The following SNX19 variants were observed in gnomAD, a reference collection of about 807,000 sequenced individuals.
SNX19 encodes sorting nexin-19.
SNX19 carries 60 observed loss-of-function variants against 85.2 expected under a neutral mutation model. The observed-to-expected ratio is 0.70, with a 90% CI of 0.57 to 0.87. The LOEUF is 0.87. SNX19 is among the 40% of genes least tolerant of loss of function. The pLI is 0.00. For synonymous variants in SNX19, 520 were observed against 470.0 expected (o/e 1.11, Z -1.38); for missense variants, 1,201 against 1,217.8 (o/e 0.99, Z 0.21).
chr11:130,891,106 G>A (rs978482729), intron 8 of SNX19, among the ~76,000 whole-genome samples: 1 of 152,018 alleles, frequency 6.6e-6, no homozygotes, highest in Non-Finnish European at 1.5e-5. Flanking sequence ...TGCTTACAGA[G>A]GAAGACAATT....
chr11:130,900,873 A>G (rs1945216310), intron 8 of SNX19, among the ~76,000 whole-genome samples: 2 of 152,344 alleles, frequency 1.3e-5, no homozygotes, highest in East Asian at 1.9e-4. Context: ...TCCAGAGGTG[A>G]CAGAATAAAA....
chr11:130,915,240 C>T lies in SNX19; in HGVS notation c.700G>A (p.Gly234Arg), dbSNP rs1271322237. ...VPKPHLETRT[G>R]RHVVVELITC... Reference sequence around the variant, plus strand: ...ATGAGTTCGACCACTACATGGCGTCCGGTACGAGTCTCCAAGTGGGGCTTG... The same window carrying T: ...ATGAGTTCGACCACTACATGGCGTCTGGTACGAGTCTCCAAGTGGGGCTTG... The change falls in exon 1 of 11, where the codon GGA becomes AGA. Residue 234 changes from glycine (G) to arginine (R), a missense_variant. Around this residue, in one of 3 missense-constraint regions of SNX19, gnomAD observed 791 missense variants for 750.9 expected, o/e 1.05. Coordinates refer to ENST00000265909, the MANE Select transcript of SNX19 (RefSeq NM_014758.3). 16 of 1,614,068 alleles carry T rather than the reference C, an allele frequency of 9.9e-6. No individual in the cohort carries two copies. Among genetic ancestry groups the T allele is most frequent in the Non-Finnish European group, 1.4e-5 (16 of 1,180,040 alleles).
At chr11:130,904,438 C>T (rs1945498907) in intron 7 of SNX19, among the ~76,000 whole-genome samples, 1 of 152,306 alleles carries the variant, frequency 6.6e-6, no homozygotes, top group Non-Finnish European at 1.5e-5. Context: ...CTATATAATA[C>T]ATATTTTCTT....
Position 130,908,087 on chromosome 11 carries a change from C to T in SNX19, c.2035-4G>A. 1 of 1,613,854 alleles carries T rather than the reference C, an allele frequency of 6.2e-7. No homozygotes were observed. The highest frequency in any genetic ancestry group is 2.2e-5 in the East Asian group (1 of 44,880). ...CCACAATGGCACTCACCACCATCTGCAGGGGTCAGAGGTGCAGGGTCAGTC... is the reference window on the plus strand; with the variant it reads ...CCACAATGGCACTCACCACCATCTGTAGGGGTCAGAGGTGCAGGGTCAGTC... On this transcript the variant is annotated splice_polypyrimidine_tract_variant and splice_region_variant and intron_variant, in intron 4 of 10. Coordinates refer to ENST00000265909, the MANE Select transcript of SNX19 (RefSeq NM_014758.3).
chr11:130,889,845 A>G (rs1944374970), intron 8 of SNX19, among the ~76,000 whole-genome samples: 1 of 151,946 alleles, frequency 6.6e-6, no homozygotes, highest in African/African-American at 2.4e-5. Flanking sequence ...AAATTTAAAA[A>G]CCTTGCCTTG....
chr11:130,893,635 A>C, intron 8 of SNX19: 1 of 598,604 alleles, frequency 1.7e-6, no homozygotes, highest in Non-Finnish European at 3.0e-6. Flanking sequence ...CAACTCCAGA[A>C]TCTCCACAGA....
intron 9 of SNX19, 101 bp from the exon 10 acceptor site, chr11:130,879,812 G>C: frequency 9.9e-7 from 1 of 1,010,900 alleles, no homozygotes; most frequent in East Asian, 2.6e-5. Context: ...ACATAGGTTA[G>C]GTATTTCAGG....
In SNX19 at chr11:130,913,529, G is replaced by A. The variant is rs1018922151; in HGVS notation, c.1674+737C>T. Among the ~76,000 whole-genome samples, 100 of 152,232 alleles carry A rather than the reference G, an allele frequency of 6.6e-4. 6 individuals are homozygous for A. The highest frequency in any genetic ancestry group is 5.9e-5 in the Non-Finnish European group (4 of 68,030). On this transcript the variant is annotated intron_variant, in intron 1 of 10. Transcript: ENST00000265909. ...CCCTCTTAGTTGGATTGGGAGTTCG[G>A]AGGAGTGTAGCAAGCAGGCTGTCCC... is the stretch of plus-strand genomic sequence containing the variant.
At chr11:130,903,704 T>C (rs574527545) in intron 7 of SNX19, among the ~76,000 whole-genome samples, 1 of 129,220 alleles carries the variant, frequency 7.7e-6, no homozygotes, top group Admixed American at 9.2e-5. Context: ...TACATATATA[T>C]ATATATACAC....
In SNX19 at chr11:130,914,325, T is replaced by C. The variant is rs140797472; in HGVS notation, c.1615A>G (p.Ile539Val). 5.2e-5 allele frequency: 83 copies of C among 1,611,648 alleles called. No homozygotes were observed. In the African/African-American group the frequency reaches 1.0e-3, roughly 20 times the overall value. The stretch of plus-strand genomic sequence containing the variant: ...GTGCCACTGTGCTCTCGGGCTGTAA[T>C]GGTGCCAGTGATACGAAGGTTCTGG... Reference protein sequence around the residue: ...IIQNLRITGTITAREHSGTGF... With the variant: ...IIQNLRITGTVTAREHSGTGF... Residue 539 changes from isoleucine to valine, a missense_variant, in exon 1 of 11, where the codon ATT (isoleucine) becomes GTT (valine). Transcript: ENST00000265909.
chr11:130,914,510 G>C lies in SNX19; in HGVS notation c.1430C>G (p.Pro477Arg), dbSNP rs1314198484. 1.2e-6 allele frequency: 2 copies of C among 1,613,850 alleles called. No homozygotes were observed. Among genetic ancestry groups the C allele is most frequent in the African/African-American group, 2.7e-5 (2 of 74,914 alleles). Residue 477 changes from proline (P) to arginine (R), a missense_variant, in exon 1 of 11, where the codon CCC (proline) becomes CGC (arginine). Pro to Arg is a moderately radical substitution (Grantham distance 103). Around this residue, in one of 3 missense-constraint regions of SNX19, gnomAD observed 791 missense variants for 750.9 expected, o/e 1.05. Coordinates refer to ENST00000265909, the MANE Select transcript of SNX19 (RefSeq NM_014758.3). ...CTTCTCTAAGCATGACGGCCGTGAG[G>C]GGCAGGTCTTTTCTGGCCCCTCCAG... ...ALLEGPEKTCPSRPSCLEKDL... is the reference protein window; with the variant it reads ...ALLEGPEKTCRSRPSCLEKDL...
rs781605916 is a variant in SNX19 at position 130,878,374 on chromosome 11, C to T, written c.*48G>A. 19 of 1,587,732 alleles carry T rather than the reference C, an allele frequency of 1.2e-5. No individual in the cohort carries two copies. The South Asian group carries it at 1.8e-4, about 15-fold the overall frequency. On this transcript the variant is annotated 3_prime_UTR_variant, in exon 11 of 11. Transcript: ENST00000265909. Reference sequence around the variant, plus strand: ...GGGCTTCCTGACTGGTCTCTGGTGGCCGAGTAACTCTACTTCCCTGACCTG... The same window carrying T: ...GGGCTTCCTGACTGGTCTCTGGTGGTCGAGTAACTCTACTTCCCTGACCTG...
At chr11:130,907,896 A>G in intron 5 of SNX19, 57 bp downstream of exon 5, 2 of 1,603,022 alleles carry the variant, frequency 1.2e-6, no homozygotes, top group South Asian at 2.2e-5. Context: ...TTGGCTGAGG[A>G]TTGGGGATCA....
chr11:130,903,142 A>G, intron 8 of SNX19, 113 bp downstream of exon 8: 11 of 1,466,282 alleles, frequency 7.5e-6, no homozygotes, highest in Non-Finnish European at 9.3e-6. Flanking sequence ...AACCCCTGTA[A>G]CAGAGAATCT....
intron 8 of SNX19, among the ~76,000 whole-genome samples, chr11:130,890,179 T>G (rs1392496174): frequency 1.3e-5 from 2 of 152,168 alleles, no homozygotes; most frequent in Non-Finnish European, 1.5e-5. Context: ...CATTCTTGAT[T>G]TGTCTTTTTC....
intron 4 of SNX19, among the ~76,000 whole-genome samples, chr11:130,909,347 TGAGAA>T (rs1209081328): frequency 6.6e-6 from 1 of 152,218 alleles, no homozygotes; most frequent in African/African-American, 2.4e-5. Context: ...CAAGCCTAGA[TGAGAA>T]GAGGGAGGCT....
In SNX19 at chr11:130,868,260, T is replaced by C. The variant is rs1275123212; in HGVS notation, c.*10162A>G. On this transcript the variant is annotated 3_prime_UTR_variant, in exon 11 of 11. Transcript: ENST00000265909. ...AATTAGCCTCCTTTGGTGTTACTGC[T>C]CCTTCCCACTTTAGCTCAGCATTAT... The C allele has an allele frequency of 6.6e-6, 1 of 152,134 alleles. No homozygotes were observed. Among genetic ancestry groups the C allele is most frequent in the Non-Finnish European group, 1.5e-5 (1 of 68,026 alleles). The allele number at this position is 152,134 out of a possible 1,614,324, so 9.4% of individuals were successfully genotyped here.
rs1002776563 is a variant in SNX19 at position 130,876,191 on chromosome 11, A to G, written c.*2231T>C. ...ACCTTCCTGGATCAGCACAGGCCCA[A>G]TTCTTCCCTGCCTTTTATCACCCTG... On this transcript the variant is annotated 3_prime_UTR_variant, in exon 11 of 11. Transcript: ENST00000265909. 5.9e-5 allele frequency: 9 copies of G among 152,096 alleles called. No homozygotes were observed. Among genetic ancestry groups the G allele is most frequent in the Admixed American group, 3.3e-4 (5 of 15,246 alleles). The allele number at this position is 152,096 out of a possible 1,614,324, so 9.4% of individuals were successfully genotyped here. A position where few individuals can be genotyped will look rare whatever the true frequency, so the allele number is the denominator to read the frequency against.
rs374414496 is a variant in SNX19, at chr11:130,878,409, C to G, written c.*13G>C. On this transcript the variant is annotated 3_prime_UTR_variant, in exon 11 of 11. Coordinates refer to ENST00000265909, the MANE Select transcript of SNX19 (RefSeq NM_014758.3). The stretch of plus-strand genomic sequence containing the variant: ...CTACTTCCCTGACCTGGGAAGAAGG[C>G]GTGAATAACCAGCTAAGAGGAGACA... 6.2e-7 allele frequency: 1 copy of G among 1,611,740 alleles called. No homozygotes were observed. Among genetic ancestry groups the G allele is most frequent in the Middle Eastern group, 1.7e-4 (1 of 6,058 alleles).
Sources: gnomAD v4.1 joint callset for allele counts (sites outside exome capture counted in the v4.1 genomes callset) on GRCh38, gnomAD v4.1.1 for gene constraint, gnomAD v4.1.1 regional missense constraint, MANE v1.5 for transcripts, NCBI Gene and HGNC (gene_info 2026-07-23, HGNC 2026-07-21) for gene names.